GPC5: variants seen among roughly 807,000 people sequenced by gnomAD.
GPC5 encodes glypican 5.
In GPC5, 47 loss-of-function variants were observed where a neutral mutation model predicts 53.9. The ratio of observed to expected loss-of-function variants is 0.87; its 90% CI spans 0.69 to 1.11. GPC5 has a LOEUF of 1.11. Ranked by LOEUF, GPC5 falls within the 50% of genes most tolerant of loss-of-function variation. The pLI is 0.00. For synonymous variants in GPC5, 286 were observed against 263.3 expected (o/e 1.09, Z -0.84); for missense variants, 748 against 713.1 (o/e 1.05, Z -0.56).
intron 7 of GPC5, among the ~76,000 whole-genome samples, chr13:92,852,400 G>A (rs1342700980): frequency 1.3e-5 from 2 of 152,052 alleles, no homozygotes; most frequent in African/African-American, 4.8e-5. Context: ...GGATTTGGGG[G>A]TTCAAATCAC....
intron 2 of GPC5, among the ~76,000 whole-genome samples, chr13:91,599,424 A>G (rs2033103747): frequency 1.3e-5 from 2 of 152,140 alleles, no homozygotes; most frequent in Non-Finnish European, 2.9e-5. Flanking sequence ...TATAATTGTT[A>G]TTTTTGAGCA....
intron 5 of GPC5, among the ~76,000 whole-genome samples, chr13:91,882,802 T>G (rs2138953253): frequency 6.6e-6 from 1 of 152,058 alleles, no homozygotes; most frequent in East Asian, 1.9e-4. Context: ...TTATAGTTTC[T>G]TTATAAATAT....
intron 6 of GPC5, among the ~76,000 whole-genome samples, chr13:91,970,470 A>T (rs1320673567): frequency 6.6e-6 from 1 of 151,558 alleles, no homozygotes; most frequent in East Asian, 1.9e-4. Flanking sequence ...CACACAAGCT[A>T]TGTGAGATTA....
chr13:91,643,712 C>T (rs77181791), intron 2 of GPC5, among the ~76,000 whole-genome samples: 8,189 of 152,154 alleles, frequency 0.054, 381 homozygotes, highest in East Asian at 0.16. Context: ...TGGCATTCCT[C>T]GGCTTGTAGA....
At chr13:92,852,638 A>G (rs1226892887) in intron 7 of GPC5, among the ~76,000 whole-genome samples, 1 of 152,012 alleles carries the variant, frequency 6.6e-6, no homozygotes, top group Non-Finnish European at 1.5e-5. Context: ...TGATGCTATC[A>G]TAGTTCATTG....
rs190937632 is a variant in GPC5 at position 92,760,421 on chromosome 13, A to C, written c.1562-105861A>C. Reference sequence around the variant, plus strand: ...CCTTGTTAGATTGTATTTTTCTAGGAATTTGTTCATTTCATCTAGGTTATC... The same window carrying C: ...CCTTGTTAGATTGTATTTTTCTAGGCATTTGTTCATTTCATCTAGGTTATC... On this transcript the variant is annotated intron_variant, in intron 7 of 7. Transcript: ENST00000377067. 2.0e-5 allele frequency among the ~76,000 whole-genome samples: 3 copies of C among 152,130 alleles called. No individual in the cohort carries two copies. In the East Asian group the frequency reaches 5.8e-4, roughly 29 times the overall value.
intron 7 of GPC5, among the ~76,000 whole-genome samples, chr13:92,424,471 CTTTA>C (rs1404659273): frequency 1.3e-5 from 2 of 151,944 alleles, no homozygotes; most frequent in African/African-American, 4.8e-5. Flanking sequence ...GTATTCTCCT[CTTTA>C]TTCTAGAAAC....
chr13:91,702,804 A>G (rs1358532705), intron 3 of GPC5, among the ~76,000 whole-genome samples: 1 of 151,864 alleles, frequency 6.6e-6, no homozygotes, highest in East Asian at 1.9e-4. Context: ...ATCCTCTTCA[A>G]TTTTTCATCA....
At chr13:91,511,000 G>A (rs1885205226) in intron 2 of GPC5, among the ~76,000 whole-genome samples, 1 of 151,822 alleles carries the variant, frequency 6.6e-6, no homozygotes, top group Non-Finnish European at 1.5e-5. Context: ...CACATGGAAA[G>A]GTTTTGCCAC....
intron 7 of GPC5, among the ~76,000 whole-genome samples, chr13:92,420,840 G>A (rs563155358): frequency 6.6e-6 from 1 of 152,288 alleles, no homozygotes; most frequent in East Asian, 1.9e-4. Context: ...TTTTATGGCT[G>A]AATAGCACTC....
intron 6 of GPC5, among the ~76,000 whole-genome samples, chr13:92,115,571 C>G (rs1251243095): frequency 1.3e-5 from 2 of 152,108 alleles, no homozygotes; most frequent in Non-Finnish European, 2.9e-5. Context: ...CCTCTAATGC[C>G]TGAAAACCAT....
At chr13:91,503,748 C>T (rs1170058356) in intron 2 of GPC5, among the ~76,000 whole-genome samples, 1 of 148,514 alleles carries the variant, frequency 6.7e-6, no homozygotes, top group Admixed American at 6.8e-5. Flanking sequence ...CCATTGCACT[C>T]CAGCCTGGGG....
intron 7 of GPC5, among the ~76,000 whole-genome samples, chr13:92,663,595 C>A (rs144217812): frequency 0.089 from 6,575 of 74,140 alleles, 226 homozygotes; most frequent in South Asian, 0.15. Flanking sequence ...ATATATATAT[C>A]TACTATATAT....
At chr13:92,418,185 A>G (rs1228599440) in intron 7 of GPC5, among the ~76,000 whole-genome samples, 1 of 152,158 alleles carries the variant, frequency 6.6e-6, no homozygotes, top group Non-Finnish European at 1.5e-5. Context: ...AGTGACTGCT[A>G]ATGGGCATGG....
chr13:92,019,775 AAGAAT>A (rs143182136), intron 6 of GPC5, among the ~76,000 whole-genome samples: 6,068 of 152,208 alleles, frequency 0.04, 151 homozygotes, highest in Middle Eastern at 0.054. Flanking sequence ...ACAAAAATGA[AAGAAT>A]AGAACTGTAC....
At chr13:92,381,887 TATTATATATAATC>T (rs1566565278) in intron 7 of GPC5, among the ~76,000 whole-genome samples, 2 of 91,146 alleles carry the variant, frequency 2.2e-5, no homozygotes, top group Non-Finnish European at 4.6e-5. Flanking sequence ...TGATTATATA[TATTATATATAATC>T]ATATATATGA....
chr13:92,408,653 C>CAT (rs67156658), intron 7 of GPC5, among the ~76,000 whole-genome samples: 18,125 of 146,918 alleles, frequency 0.12, 1,270 homozygotes, highest in East Asian at 0.32. Flanking sequence ...CACACACACA[C>CAT]ATATAATACA....
chr13:92,843,128 G>T (rs2138835598), intron 7 of GPC5, among the ~76,000 whole-genome samples: 1 of 152,222 alleles, frequency 6.6e-6, no homozygotes, highest in African/African-American at 2.4e-5. Context: ...TTATAAGGTG[G>T]ATTGTTTTTC....
chr13:92,652,687 C>G (rs1855366), intron 7 of GPC5, among the ~76,000 whole-genome samples: 128,947 of 152,098 alleles, frequency 0.85, 55,750 homozygotes, highest in Non-Finnish European at 0.94. Context: ...TTCTAGTATA[C>G]AAACTGATAC....
Sources: allele counts gnomAD v4.1 joint callset (sites outside exome capture counted in the v4.1 genomes callset), GRCh38; gene constraint gnomAD v4.1.1; transcripts MANE v1.5; gene names NCBI Gene and HGNC (gene_info 2026-07-23, HGNC 2026-07-21).